The following LCLAT1 variants were observed in gnomAD, a reference collection of about 807,000 sequenced individuals.
The protein encoded by LCLAT1 is lysocardiolipin acyltransferase 1.
In LCLAT1, 11 loss-of-function variants were observed where a neutral mutation model predicts 30.7. The observed-to-expected ratio is 0.36, with a 90% CI of 0.23 to 0.59. The LOEUF (loss-of-function observed/expected upper bound fraction) is 0.59, where lower values mean the gene tolerates loss of function less well. Ranked by LOEUF, LCLAT1 falls within the 20% of genes least tolerant of loss-of-function variation. LCLAT1 has a pLI of 0.77. For synonymous variants in LCLAT1, 155 were observed against 151.3 expected (o/e 1.02, Z -0.18); for missense variants, 402 against 458.6 (o/e 0.88, Z 1.13).
intron 2 of LCLAT1, among the ~76,000 whole-genome samples, chr2:30,530,655 T>C (rs1295114298): frequency 7.2e-5 from 11 of 152,180 alleles, no homozygotes; most frequent in Admixed American, 3.9e-4. Flanking sequence ...GAGTAATCCT[T>C]CTGCCTCAGC....
intron 5 of LCLAT1, among the ~76,000 whole-genome samples, chr2:30,589,032 TGG>T (rs1228248766): frequency 6.6e-6 from 1 of 152,250 alleles, no homozygotes; most frequent in Admixed American, 6.5e-5. Context: ...ATCAACTTGA[TGG>T]ACAAGATTTT....
chr2:30,490,492 G>A (rs1255854651), intron 1 of LCLAT1, among the ~76,000 whole-genome samples: 6 of 152,022 alleles, frequency 3.9e-5, no homozygotes, highest in Non-Finnish European at 8.8e-5. Flanking sequence ...CACCTGGCCC[G>A]GGGCTACCCT....
chr2:30,501,208 GA>G (rs1684369575), intron 1 of LCLAT1, among the ~76,000 whole-genome samples: 2 of 151,870 alleles, frequency 1.3e-5, no homozygotes, highest in Non-Finnish European at 2.9e-5. Flanking sequence ...TCCTTTGCTG[GA>G]CACCCAGTTA....
chr2:30,510,141 C>A (rs1413614254), intron 1 of LCLAT1, among the ~76,000 whole-genome samples: 5 of 152,062 alleles, frequency 3.3e-5, no homozygotes, highest in African/African-American at 1.2e-4. Context: ...ATAGTTGTCA[C>A]CCTGAAATCT....
chr2:30,578,893 T>C (rs1166112359), intron 5 of LCLAT1, among the ~76,000 whole-genome samples: 1 of 152,182 alleles, frequency 6.6e-6, no homozygotes, highest in Non-Finnish European at 1.5e-5. Context: ...GTTCATAATG[T>C]TAAATCCAAA....
intron 5 of LCLAT1, among the ~76,000 whole-genome samples, chr2:30,610,427 C>T (rs1667682174): frequency 6.6e-6 from 1 of 152,048 alleles, no homozygotes. Context: ...TAAGATAGCT[C>T]CATAAGTACA....
At chr2:30,634,985 A>G (rs1454002346) in intron 5 of LCLAT1, among the ~76,000 whole-genome samples, 2 of 152,222 alleles carry the variant, frequency 1.3e-5, no homozygotes, top group Admixed American at 6.5e-5. Flanking sequence ...TCTTGATAGG[A>G]TATGAGAAAT....
At chr2:30,530,995 G>A (rs1685954732) in intron 2 of LCLAT1, among the ~76,000 whole-genome samples, 1 of 152,172 alleles carries the variant, frequency 6.6e-6, no homozygotes, top group Non-Finnish European at 1.5e-5. Context: ...GCCGGGCACG[G>A]TGGCTCATGC....
At chr2:30,569,588 C>A (rs1044238973) in intron 5 of LCLAT1, among the ~76,000 whole-genome samples, 5 of 123,542 alleles carry the variant, frequency 4.0e-5, no homozygotes, top group Admixed American at 9.3e-5. Flanking sequence ...AAGTCTTGAA[C>A]CATTATGTAA....
intron 5 of LCLAT1, among the ~76,000 whole-genome samples, chr2:30,594,896 G>A (rs1164702791): frequency 6.6e-6 from 1 of 152,056 alleles, no homozygotes; most frequent in African/African-American, 2.4e-5. Flanking sequence ...TATAAAATAA[G>A]CATTATTTTA....
At chr2:30,518,762 T>C (rs1278295264) in intron 1 of LCLAT1, among the ~76,000 whole-genome samples, 1 of 152,232 alleles carries the variant, frequency 6.6e-6, no homozygotes, top group African/African-American at 2.4e-5. Context: ...TCTGTATCCC[T>C]GTACATCCTG....
At chr2:30,604,106 A>G (rs1182457928) in intron 5 of LCLAT1, among the ~76,000 whole-genome samples, 2 of 125,890 alleles carry the variant, frequency 1.6e-5, no homozygotes, top group East Asian at 2.7e-4. Context: ...CATGTCCCCA[A>G]GTGCCTTTAG....
chr2:30,504,809 C>T (rs1291286979), intron 1 of LCLAT1, among the ~76,000 whole-genome samples: 1 of 152,188 alleles, frequency 6.6e-6, no homozygotes, highest in Non-Finnish European at 1.5e-5. Flanking sequence ...CATCCTCAGT[C>T]ACAGCTGTCC....
intron 1 of LCLAT1, among the ~76,000 whole-genome samples, chr2:30,480,793 G>A (rs917462315): frequency 1.3e-5 from 2 of 152,092 alleles, no homozygotes; most frequent in Non-Finnish European, 2.9e-5. Flanking sequence ...GTGTGCTGGG[G>A]TTTTTTGCTG....
At chr2:30,540,299 A>G (rs1178001651) in intron 3 of LCLAT1, among the ~76,000 whole-genome samples, 1 of 152,232 alleles carries the variant, frequency 6.6e-6, no homozygotes, top group African/African-American at 2.4e-5. Context: ...ATGTCAGTGT[A>G]TCTATTGCTG....
At chr2:30,516,029 C>T (rs1362603631) in intron 1 of LCLAT1, among the ~76,000 whole-genome samples, 2 of 152,088 alleles carry the variant, frequency 1.3e-5, no homozygotes, top group African/African-American at 2.4e-5. Context: ...ACTGTATCCA[C>T]CTTTAAATAT....
intron 1 of LCLAT1, among the ~76,000 whole-genome samples, chr2:30,463,311 A>C (rs886934407): frequency 6.6e-6 from 1 of 152,090 alleles, no homozygotes; most frequent in Non-Finnish European, 1.5e-5. Flanking sequence ...TTCCCATGTC[A>C]TAAGATTTTT....
In LCLAT1 at chr2:30,533,080, A is replaced by G. The variant is rs745727988; in HGVS notation, c.166-36A>G. 9 of 1,446,706 alleles carry G rather than the reference A, an allele frequency of 6.2e-6. No individual in the cohort carries two copies. In the Admixed American group the frequency reaches 1.5e-4, roughly 24 times the overall value. The allele number at this position is 1,446,706 out of a possible 1,614,324, so 89.6% of individuals were successfully genotyped here. On this transcript the variant is annotated intron_variant, in intron 2 of 5. Transcript: ENST00000379509. ...TAAAATTTACCTATGGAAAATCATA[A>G]CTTTAATTTGCTGTATATCTGTATT...
intron 1 of LCLAT1, among the ~76,000 whole-genome samples, chr2:30,461,453 G>A (rs915987379): frequency 6.6e-6 from 1 of 152,028 alleles, no homozygotes; most frequent in Admixed American, 6.6e-5. Context: ...TTGAAACGGG[G>A]TCTCACTATG....
Sources: gnomAD v4.1 joint callset for allele counts (sites outside exome capture counted in the v4.1 genomes callset) on GRCh38, gnomAD v4.1.1 for gene constraint, MANE v1.5 for transcripts, NCBI Gene and HGNC (gene_info 2026-07-23, HGNC 2026-07-21) for gene names.